CTDSPL: variants seen among roughly 807,000 people sequenced by gnomAD.
The protein encoded by CTDSPL is CTD small phosphatase-like protein.
CTDSPL carries 8 observed loss-of-function variants against 30.5 expected under a neutral mutation model. The observed-to-expected ratio is 0.26, with a 90% CI of 0.15 to 0.47. The LOEUF (loss-of-function observed/expected upper bound fraction) is 0.47. Ranked by LOEUF, CTDSPL falls within the 20% of genes least tolerant of loss-of-function variation. The pLI, the probability that CTDSPL is intolerant of heterozygous loss-of-function variation, is 0.99. For missense variants in CTDSPL, 248 were observed against 366.1 expected, an observed-to-expected ratio of 0.68 and a Z score of 2.63; for synonymous variants, 110 against 137.9, an observed-to-expected ratio of 0.80 and a Z score of 1.42.
At chr3:37,959,759 G>A (rs1699214725) in intron 3 of CTDSPL, among the ~76,000 whole-genome samples, 1 of 152,106 alleles carries the variant, frequency 6.6e-6, no homozygotes, top group South Asian at 2.1e-4. Flanking sequence ...CTAGGTCAAA[G>A]GATATATTTT....
intron 1 of CTDSPL, among the ~76,000 whole-genome samples, chr3:37,932,471 CT>C (rs1698865610): frequency 6.6e-6 from 1 of 152,060 alleles, no homozygotes; most frequent in Non-Finnish European, 1.5e-5. Flanking sequence ...GACAAAGGAA[CT>C]CTTATAAATC....
intron 1 of CTDSPL, among the ~76,000 whole-genome samples, chr3:37,898,887 G>A (rs975684286): frequency 2.0e-5 from 3 of 152,198 alleles, no homozygotes; most frequent in Admixed American, 2.0e-4. Flanking sequence ...ATCTTATGGG[G>A]AGAGATACCA....
chr3:37,965,043 G>A (rs1367132298), intron 4 of CTDSPL, among the ~76,000 whole-genome samples: 1 of 152,178 alleles, frequency 6.6e-6, no homozygotes, highest in Non-Finnish European at 1.5e-5. Context: ...ATTGGGAGGG[G>A]GAGGGGAGTC....
At chr3:37,943,737 G>A (rs1307975088) in intron 1 of CTDSPL, among the ~76,000 whole-genome samples, 2 of 150,260 alleles carry the variant, frequency 1.3e-5, no homozygotes, top group East Asian at 1.9e-4. Flanking sequence ...GGCAAGCGAG[G>A]AAAGGTGGTG....
intron 7 of CTDSPL, among the ~76,000 whole-genome samples, chr3:37,979,153 C>T (rs1041633556): frequency 5.9e-5 from 9 of 152,094 alleles, no homozygotes; most frequent in African/African-American, 2.2e-4. Context: ...AGTTATAACA[C>T]CATGTTTTAA....
intron 1 of CTDSPL, among the ~76,000 whole-genome samples, chr3:37,889,664 C>G (rs1458292350): frequency 1.3e-5 from 2 of 151,992 alleles, no homozygotes; most frequent in South Asian, 2.1e-4. Flanking sequence ...AATCTAGAGG[C>G]CAATACAATG....
At chr3:37,957,765 C>T (rs555321564) in intron 3 of CTDSPL, among the ~76,000 whole-genome samples, 1 of 152,276 alleles carries the variant, frequency 6.6e-6, no homozygotes, top group East Asian at 1.9e-4. Context: ...TTTGTTCCAC[C>T]CCAGCACCGT....
chr3:37,967,864 C>T lies in CTDSPL; in HGVS notation c.408C>T (p.Ile136=), dbSNP rs571698578. 6 of 1,599,990 alleles carry T rather than the reference C, an allele frequency of 3.8e-6. No homozygotes were observed. Among genetic ancestry groups the T allele is most frequent in the Admixed American group, 1.7e-5 (1 of 57,262 alleles). ...SNADFIVPVE[I]DGTIHQVYVL... ...CTGATTTTATTGTTCCGGTTGAAAT[C>T]GATGGAACTATACATCAGGTAAGAA... Residue 136 remains isoleucine, a synonymous_variant, in exon 5 of 8, where the codon ATC becomes ATT. Coordinates refer to ENST00000273179, the MANE Select transcript of CTDSPL (RefSeq NM_001008392.2).
intron 1 of CTDSPL, among the ~76,000 whole-genome samples, chr3:37,912,944 A>T (rs1372322283): frequency 6.6e-6 from 1 of 152,182 alleles, no homozygotes; most frequent in Non-Finnish European, 1.5e-5. Flanking sequence ...CTTCACAAAA[A>T]TTTTCCTTTC....
At chr3:37,908,588 G>A (rs1158685984) in intron 1 of CTDSPL, among the ~76,000 whole-genome samples, 1 of 152,138 alleles carries the variant, frequency 6.6e-6, no homozygotes, top group Non-Finnish European at 1.5e-5. Flanking sequence ...AGTGCAGAGA[G>A]GAAGGTATCT....
intron 1 of CTDSPL, among the ~76,000 whole-genome samples, chr3:37,893,460 A>T (rs1335348901): frequency 1.3e-5 from 2 of 152,200 alleles, no homozygotes; most frequent in Admixed American, 1.3e-4. Flanking sequence ...AAGTCCAACA[A>T]ATGTGTTAAT....
intron 1 of CTDSPL, among the ~76,000 whole-genome samples, chr3:37,892,803 G>A (rs1428190176): frequency 1.3e-5 from 2 of 152,184 alleles, no homozygotes; most frequent in African/African-American, 2.4e-5. Flanking sequence ...AAGCTGGAAC[G>A]ATGTCTGACA....
intron 1 of CTDSPL, among the ~76,000 whole-genome samples, chr3:37,924,655 G>A (rs1040081544): frequency 3.3e-5 from 5 of 152,190 alleles, no homozygotes; most frequent in African/African-American, 1.2e-4. Flanking sequence ...TGGAATGCAC[G>A]TGGTTTGGGG....
intron 2 of CTDSPL, chr3:37,955,261 A>G (rs1443844013): frequency 2.0e-5 from 3 of 152,074 alleles, no homozygotes; most frequent in Admixed American, 1.3e-4. Context: ...AGGTTGAGAA[A>G]CCCTACTCTG....
chr3:37,920,161 A>G (rs1698696916), intron 1 of CTDSPL, among the ~76,000 whole-genome samples: 1 of 152,134 alleles, frequency 6.6e-6, no homozygotes, highest in Non-Finnish European at 1.5e-5. Context: ...AATTGTTCAG[A>G]GGAACAATTG....
intron 1 of CTDSPL, among the ~76,000 whole-genome samples, chr3:37,888,288 A>T (rs1431845923): frequency 6.6e-6 from 1 of 152,234 alleles, no homozygotes; most frequent in East Asian, 1.9e-4. Flanking sequence ...AGCTAAAAGT[A>T]AGATTGCATC....
At chr3:37,929,908 G>C (rs1698830058) in intron 1 of CTDSPL, among the ~76,000 whole-genome samples, 1 of 152,084 alleles carries the variant, frequency 6.6e-6, no homozygotes, top group African/African-American at 2.4e-5. Flanking sequence ...AGGAGTTCAA[G>C]ACTAGCCTGA....
chr3:37,981,944 C>T lies in CTDSPL; in HGVS notation c.*1077C>T. The T allele has an allele frequency of 4.4e-6, 2 of 454,292 alleles. No homozygotes were observed. Among genetic ancestry groups the T allele is most frequent in the Non-Finnish European group, 8.9e-6 (2 of 225,270 alleles). 28.1% of individuals were successfully genotyped at this position (454,292 alleles called of 1,614,324 possible). A position where few individuals can be genotyped will look rare whatever the true frequency, so the allele number is the denominator to read the frequency against. Reference sequence around the variant, plus strand: ...ACTGTGCCTATGCTCAGAATATGCTCACTGCTAAGCTACAAACTCGGACAG... The same window carrying T: ...ACTGTGCCTATGCTCAGAATATGCTTACTGCTAAGCTACAAACTCGGACAG... On this transcript the variant is annotated 3_prime_UTR_variant, in exon 8 of 8. Coordinates refer to ENST00000273179, the MANE Select transcript of CTDSPL (RefSeq NM_001008392.2).
At chr3:37,913,613 C>A (rs1056574851) in intron 1 of CTDSPL, among the ~76,000 whole-genome samples, 1 of 152,158 alleles carries the variant, frequency 6.6e-6, no homozygotes, top group Non-Finnish European at 1.5e-5. Context: ...ATTTATTAAT[C>A]TGTTTATTCT....
Sources: gnomAD v4.1 joint callset for allele counts (sites outside exome capture counted in the v4.1 genomes callset) on GRCh38, gnomAD v4.1.1 for gene constraint, MANE v1.5 for transcripts, NCBI Gene and HGNC (gene_info 2026-07-23, HGNC 2026-07-21) for gene names.